Variants in AGAP1 observed in about 807,000 individuals in gnomAD.
AGAP1 encodes ArfGAP with GTPase domain, ankyrin repeat and PH domain 1.
AGAP1 carries 29 observed loss-of-function variants against 105.3 expected under a neutral mutation model. That is an observed-to-expected ratio of 0.28 (90% CI 0.21 to 0.38). The LOEUF is 0.38. Among genes scored for constraint, AGAP1 ranks in the 10% least tolerant of loss-of-function variants. The probability of loss-of-function intolerance (pLI) is 1.00; values close to 1 mark genes in which losing one functional copy is unlikely to be tolerated. For missense variants in AGAP1, 998 were observed against 1,165.1 expected (o/e 0.86, Z 2.09); for synonymous variants, 509 against 485.9 (o/e 1.05, Z -0.63).
chr2:235,678,229 G>A (rs1276767617), intron 1 of AGAP1, among the ~76,000 whole-genome samples: 2 of 152,134 alleles, frequency 1.3e-5, no homozygotes, highest in Non-Finnish European at 2.9e-5. Context: ...TTCTCTTTTG[G>A]ATTTGTTCAT....
chr2:235,916,547 C>T (rs1010976205), intron 11 of AGAP1, among the ~76,000 whole-genome samples: 15 of 152,184 alleles, frequency 9.9e-5, no homozygotes, highest in African/African-American at 2.9e-4. Flanking sequence ...GCAAGGGTTT[C>T]GGAGTCCAAA....
At chr2:235,591,301 C>G (rs1403775517) in intron 1 of AGAP1, among the ~76,000 whole-genome samples, 1 of 152,218 alleles carries the variant, frequency 6.6e-6, no homozygotes, top group South Asian at 2.1e-4. Context: ...CAGGCGTGAG[C>G]CACTGCGCCC....
intron 1 of AGAP1, among the ~76,000 whole-genome samples, chr2:235,530,964 C>T (rs1025353252): frequency 3.2e-4 from 49 of 152,164 alleles, no homozygotes; most frequent in Non-Finnish European, 5.4e-4. Flanking sequence ...CAGTCAACAC[C>T]GGTTGAGGGT....
In AGAP1 at chr2:235,751,148, C is replaced by T. The variant is rs912656711; in HGVS notation, c.673+660C>T. Among the ~76,000 whole-genome samples the T allele has an allele frequency of 6.6e-6, 1 of 151,638 alleles. No homozygotes were observed. Among genetic ancestry groups the T allele is most frequent in the Admixed American group, 6.6e-5 (1 of 15,242 alleles). ...GGATGATCATAGCGCCAGACGTCGT[C>T]TATGAGAGAGGAGCCTGTGCAGATG... On this transcript the variant is annotated intron_variant, in intron 6 of 17. Coordinates refer to ENST00000304032, the MANE Select transcript of AGAP1 (RefSeq NM_001037131.3). This position sits in a 1 kb window ranked among gnomAD's most constrained non-coding sequence, Gnocchi z 5.3.
chr2:236,123,894 A>G lies in AGAP1; in HGVS notation c.2371-25A>G. 1 of 1,611,368 alleles carries G rather than the reference A, an allele frequency of 6.2e-7. No individual in the cohort carries two copies. On this transcript the variant is annotated intron_variant, in intron 17 of 17. Coordinates refer to ENST00000304032, the MANE Select transcript of AGAP1 (RefSeq NM_001037131.3). The surrounding 1 kb of genome is among the most constrained non-coding windows in gnomAD (Gnocchi z 4.6). ...CCTCCATCACATCCCCCATGATACT[A>G]ATGTGGGCTCCCTTACCTCCGCAGT...
intron 13 of AGAP1, among the ~76,000 whole-genome samples, chr2:236,032,602 G>A (rs926346958): frequency 3.9e-5 from 6 of 152,102 alleles, no homozygotes; most frequent in African/African-American, 1.4e-4. Context: ...GAAAAGAGAG[G>A]GTGGTAAAGA....
At chr2:235,823,350 G>A (rs548943957) in intron 9 of AGAP1, among the ~76,000 whole-genome samples, 1 of 152,140 alleles carries the variant, frequency 6.6e-6, no homozygotes, top group African/African-American at 2.4e-5. Context: ...ACCCAGGCTG[G>A]TCTCGAGCTC....
At chr2:235,667,436 A>G (rs2149348631) in intron 1 of AGAP1, among the ~76,000 whole-genome samples, 1 of 152,116 alleles carries the variant, frequency 6.6e-6, no homozygotes, top group East Asian at 1.9e-4. Flanking sequence ...ACAAAGCAGA[A>G]TGCTGATGCT....
chr2:235,911,603 G>T (rs2051619595), intron 11 of AGAP1, among the ~76,000 whole-genome samples: 1 of 152,188 alleles, frequency 6.6e-6, no homozygotes, highest in East Asian at 1.9e-4. Flanking sequence ...TAATACAAAG[G>T]CCCTATAAAC....
Position 236,107,607 on chromosome 2 carries a change from A to C in AGAP1, c.2115-12585A>C, listed in dbSNP as rs539289937. Reference sequence around the variant, plus strand: ...ACGAGTGCCCCAAGTCTCAACCCGAACCTCAGGCGAAGGTTTGGGGACAAG... The same window carrying C: ...ACGAGTGCCCCAAGTCTCAACCCGACCCTCAGGCGAAGGTTTGGGGACAAG... On this transcript the variant is annotated intron_variant, in intron 16 of 17. Coordinates refer to ENST00000304032, the MANE Select transcript of AGAP1 (RefSeq NM_001037131.3). Among the ~76,000 whole-genome samples the C allele has an allele frequency of 2.8e-4, 43 of 152,254 alleles. No individual in the cohort carries two copies. In the South Asian group the frequency reaches 8.9e-3, roughly 32 times the overall value.
At position 235,510,788 on chromosome 2, in the gene AGAP1, G is replaced by C. The variant is rs575774973; in HGVS notation, c.163+15939G>C. ...GCTGTGAAGTGTCTTGTACTGATGA[G>C]GGGGGTGGGAGGCTATAGGAGTGAG... On this transcript the variant is annotated intron_variant, in intron 1 of 17. Transcript: ENST00000304032. Among the ~76,000 whole-genome samples the C allele has an allele frequency of 7.5e-4, 114 of 152,148 alleles. 1 individual carries two copies. The highest frequency in any genetic ancestry group is 2.7e-3 in the African/African-American group (111 of 41,514).
At chr2:235,585,881 C>G (rs755780016) in intron 1 of AGAP1, among the ~76,000 whole-genome samples, 1 of 152,042 alleles carries the variant, frequency 6.6e-6, no homozygotes, top group Non-Finnish European at 1.5e-5. Flanking sequence ...AATTGGAGCG[C>G]CTGGAGAGCA....
In AGAP1 at chr2:235,720,556, C is replaced by T. The variant is rs1951329787; in HGVS notation, c.310+2912C>T. 3.5e-6 allele frequency: 2 copies of T among 572,950 alleles called. No homozygotes were observed. Among genetic ancestry groups the T allele is most frequent in the Non-Finnish European group, 4.4e-6 (2 of 453,700 alleles). The allele number at this position is 572,950 out of a possible 1,614,324, so 35.5% of individuals were successfully genotyped here. On this transcript the variant is annotated intron_variant, in intron 3 of 17. Coordinates refer to ENST00000304032, the MANE Select transcript of AGAP1 (RefSeq NM_001037131.3). This position sits in a 1 kb window ranked among gnomAD's most constrained non-coding sequence, Gnocchi z 5.0. ...ATTTCTTGGTGTACTGCTGCCTTCTCATCAGACCTCCTTTCCTCTTACAAC... is the reference window on the plus strand; with the variant it reads ...ATTTCTTGGTGTACTGCTGCCTTCTTATCAGACCTCCTTTCCTCTTACAAC...
chr2:235,627,726 C>T (rs937296436), intron 1 of AGAP1, among the ~76,000 whole-genome samples: 1 of 152,084 alleles, frequency 6.6e-6, no homozygotes, highest in Non-Finnish European at 1.5e-5. Context: ...CTTAGTCTCC[C>T]ATTGCAATAC....
chr2:235,567,992 A>C (rs1319297734), intron 1 of AGAP1, among the ~76,000 whole-genome samples: 3 of 152,104 alleles, frequency 2.0e-5, no homozygotes, highest in Non-Finnish European at 4.4e-5. Flanking sequence ...GCTGGTATGT[A>C]AGAAATGCCA....
At chr2:236,117,110 G>T (rs529894598) in intron 16 of AGAP1, among the ~76,000 whole-genome samples, 2 of 152,166 alleles carry the variant, frequency 1.3e-5, no homozygotes, top group Admixed American at 1.3e-4. Context: ...TCCTCTGAGT[G>T]GGTACAGTAG....
chr2:236,094,048 A>C (rs1434341317), intron 16 of AGAP1, among the ~76,000 whole-genome samples: 1 of 152,170 alleles, frequency 6.6e-6, no homozygotes, highest in Admixed American at 6.5e-5. Context: ...GACTGTATTC[A>C]TAGGTCAGAA....
chr2:236,118,750 CTCCTGGGA>C (rs1047751853), intron 16 of AGAP1, among the ~76,000 whole-genome samples: 4 of 152,234 alleles, frequency 2.6e-5, no homozygotes, highest in Admixed American at 2.6e-4. Context: ...CTGGGCTTGG[CTCCTGGGA>C]TCCTTGTAAA....
rs1427276295 is a variant in AGAP1, at chr2:236,001,185, C to T, written c.1645+32562C>T. Among the ~76,000 whole-genome samples the T allele has an allele frequency of 6.6e-6, 1 of 152,146 alleles. No homozygotes were observed. The highest frequency in any genetic ancestry group is 1.5e-5 in the Non-Finnish European group (1 of 68,036). ...CAGCGCGGCTGTGGGGCAGAGAATG[C>T]TGAGATAAACGCCACCATCAGAAAC... On this transcript the variant is annotated intron_variant, in intron 13 of 17. Transcript: ENST00000304032. The surrounding 1 kb of genome is among the most constrained non-coding windows in gnomAD (Gnocchi z 4.7).
Sources: gnomAD v4.1 joint callset for allele counts (sites outside exome capture counted in the v4.1 genomes callset) on GRCh38, gnomAD v4.1.1 for gene constraint, Gnocchi (gnomAD v3.1) non-coding constraint, MANE v1.5 for transcripts, NCBI Gene and HGNC (gene_info 2026-07-23, HGNC 2026-07-21) for gene names.